ZSWIM6: variants seen among roughly 807,000 people sequenced by gnomAD.
ZSWIM6 encodes zinc finger SWIM-type containing 6, also known as zinc finger SWIM domain-containing protein 6.
A neutral mutation model predicts 113.2 loss-of-function variants in ZSWIM6; 9 were observed. The ratio of observed to expected loss-of-function variants is 0.08; its 90% CI spans 0.05 to 0.14. ZSWIM6 has a LOEUF of 0.14. ZSWIM6 is among the 10% of genes least tolerant of loss of function. The pLI is 1.00. For missense variants in ZSWIM6, 1,162 were observed against 1,552.2 expected (o/e 0.75, Z 4.22); for synonymous variants, 611 against 606.5 (o/e 1.01, Z -0.11).
At chr5:61,408,437 A>G (rs985476942) in intron 1 of ZSWIM6, among the ~76,000 whole-genome samples, 1 of 152,242 alleles carries the variant, frequency 6.6e-6, no homozygotes, top group Non-Finnish European at 1.5e-5. Context: ...TGTTTTAATA[A>G]AATGTTTTAA....
chr5:61,442,312 G>A (rs1746856318), intron 1 of ZSWIM6, among the ~76,000 whole-genome samples: 2 of 152,136 alleles, frequency 1.3e-5, no homozygotes, highest in Non-Finnish European at 1.5e-5. Context: ...AGTTCTGTGG[G>A]ACAGTTGGGC....
At chr5:61,539,865 T>G (rs1749683717) in intron 12 of ZSWIM6, 106 bp downstream of exon 12, 1 of 1,117,628 alleles carries the variant, frequency 8.9e-7, no homozygotes, top group Admixed American at 2.8e-5. Flanking sequence ...TAAATGACTC[T>G]TTGGAGTACA....
chr5:61,510,209 G>T (rs957502215), intron 4 of ZSWIM6, among the ~76,000 whole-genome samples: 1 of 151,842 alleles, frequency 6.6e-6, no homozygotes, highest in Non-Finnish European at 1.5e-5. Context: ...CAATAAGTGT[G>T]TGAGGTGGGG....
intron 1 of ZSWIM6, among the ~76,000 whole-genome samples, chr5:61,416,210 TCA>T (rs1746249544): frequency 6.6e-6 from 1 of 152,232 alleles, no homozygotes; most frequent in Non-Finnish European, 1.5e-5. Flanking sequence ...AGGCCGGTTT[TCA>T]CAGTGTTGTT....
chr5:61,396,450 T>G (rs1231957258), intron 1 of ZSWIM6, among the ~76,000 whole-genome samples: 1 of 149,572 alleles, frequency 6.7e-6, no homozygotes, highest in Non-Finnish European at 1.5e-5. Context: ...GAGAATCACT[T>G]GAACCGGGAG....
chr5:61,541,092 C>T (rs1405859397), intron 12 of ZSWIM6, among the ~76,000 whole-genome samples: 3 of 151,836 alleles, frequency 2.0e-5, no homozygotes, highest in Non-Finnish European at 2.9e-5. Flanking sequence ...TACAGGCGCA[C>T]GCCACCACAC....
At chr5:61,521,030 G>T (rs1749102091) in intron 4 of ZSWIM6, among the ~76,000 whole-genome samples, 1 of 151,886 alleles carries the variant, frequency 6.6e-6, no homozygotes, top group Non-Finnish European at 1.5e-5. Flanking sequence ...AACTCTCTGT[G>T]GGATTTGTGG....
intron 1 of ZSWIM6, among the ~76,000 whole-genome samples, chr5:61,439,395 C>T (rs1746777156): frequency 6.6e-6 from 1 of 152,124 alleles, no homozygotes; most frequent in Admixed American, 6.6e-5. Flanking sequence ...CTTAAAAATG[C>T]TTATAACTAA....
intron 1 of ZSWIM6, among the ~76,000 whole-genome samples, chr5:61,430,908 C>T (rs1276590535): frequency 6.6e-6 from 1 of 152,052 alleles, no homozygotes; most frequent in African/African-American, 2.4e-5. Context: ...ATGTTTAGAT[C>T]ATAGACTTGT....
At chr5:61,369,501 G>A (rs1234284559) in intron 1 of ZSWIM6, among the ~76,000 whole-genome samples, 1 of 152,300 alleles carries the variant, frequency 6.6e-6, no homozygotes, top group East Asian at 1.9e-4. Context: ...GTATTCCAGG[G>A]CTCAGGCTTA....
At chr5:61,440,165 T>G (rs1395929836) in intron 1 of ZSWIM6, among the ~76,000 whole-genome samples, 1 of 151,918 alleles carries the variant, frequency 6.6e-6, no homozygotes, top group Non-Finnish European at 1.5e-5. Flanking sequence ...AAAAGCTTAG[T>G]GGTTTTAAAA....
chr5:61,334,330 C>T (rs534993704), intron 1 of ZSWIM6, among the ~76,000 whole-genome samples: 2 of 152,176 alleles, frequency 1.3e-5, no homozygotes, highest in East Asian at 3.9e-4. Context: ...CCATTTTTTT[C>T]TCCTGATTGC....
At position 61,531,544 on chromosome 5, in the gene ZSWIM6, A is replaced by C; in HGVS notation, c.2064A>C (p.Leu688Phe). 1 of 1,551,720 alleles carries C rather than the reference A, an allele frequency of 6.4e-7. No homozygotes were observed. Among genetic ancestry groups the C allele is most frequent in the Non-Finnish European group, 8.7e-7 (1 of 1,146,974 alleles). The change falls in exon 9 of 14, where the codon TTA (leucine) becomes TTC (phenylalanine). Residue 688 changes from leucine to phenylalanine, a missense_variant. Leu to Phe is a conservative substitution (Grantham distance 22). Transcript: ENST00000252744. Reference protein sequence around the residue: ...HKFLEEGESYLTLAVEVALIG... With the variant: ...HKFLEEGESYFTLAVEVALIG... Reference sequence around the variant, plus strand: ...TCTTAGAAGAAGGGGAATCCTATTTAACGCTGGCTGTGGAAGTAGCCCTGA... The same window carrying C: ...TCTTAGAAGAAGGGGAATCCTATTTCACGCTGGCTGTGGAAGTAGCCCTGA...
chr5:61,473,063 A>T lies in ZSWIM6; in HGVS notation c.1033+26A>T, dbSNP rs536773364. ...GTGAGTATAGACATTGACTCTTTAA[A>T]TTTCCTCTCTGGATCCTTTTTCACT... On this transcript the variant is annotated intron_variant, in intron 2 of 13. Coordinates refer to ENST00000252744, the MANE Select transcript of ZSWIM6 (RefSeq NM_020928.2). 3.0e-6 allele frequency: 4 copies of T among 1,342,838 alleles called. No individual in the cohort carries two copies. The East Asian group carries it at 7.8e-5, about 26-fold the overall frequency. 83.2% of individuals were successfully genotyped at this position (1,342,838 alleles called of 1,614,324 possible).
chr5:61,344,056 G>A (rs1212304115), intron 1 of ZSWIM6, among the ~76,000 whole-genome samples: 1 of 151,976 alleles, frequency 6.6e-6, no homozygotes, highest in Non-Finnish European at 1.5e-5. Context: ...ACCACGCCTG[G>A]CTAATTTTTT....
At chr5:61,368,011 C>T (rs994788967) in intron 1 of ZSWIM6, among the ~76,000 whole-genome samples, 4 of 152,076 alleles carry the variant, frequency 2.6e-5, no homozygotes, top group African/African-American at 9.7e-5. Context: ...CCTGTAGTCC[C>T]AGCTACTTGG....
chr5:61,410,302 G>A (rs945237276), intron 1 of ZSWIM6, among the ~76,000 whole-genome samples: 1 of 146,344 alleles, frequency 6.8e-6, no homozygotes, highest in Non-Finnish European at 1.5e-5. Flanking sequence ...AATAATGGAT[G>A]TATTTCCTTT....
intron 8 of ZSWIM6, 147 bp from the exon 9 acceptor site, chr5:61,531,318 A>T: frequency 1.1e-6 from 1 of 887,010 alleles, no homozygotes. Context: ...GGAAGACTGC[A>T]CTTTAGCCTA....
At chr5:61,401,134 T>C (rs533250553) in intron 1 of ZSWIM6, among the ~76,000 whole-genome samples, 29 of 152,328 alleles carry the variant, frequency 1.9e-4, no homozygotes, top group African/African-American at 6.7e-4. Context: ...TAGTGGTCTT[T>C]ACTAATACTG....
Sources: gnomAD v4.1 joint callset for allele counts (sites outside exome capture counted in the v4.1 genomes callset) on GRCh38, gnomAD v4.1.1 for gene constraint, MANE v1.5 for transcripts, NCBI Gene and HGNC (gene_info 2026-07-23, HGNC 2026-07-21) for gene names.